The following ROS1 variants were observed in gnomAD, a reference collection of about 807,000 sequenced individuals.
ROS1 encodes proto-oncogene tyrosine-protein kinase ROS.
ROS1 carries 263 observed loss-of-function variants against 273.5 expected under a neutral mutation model. The ratio of observed to expected loss-of-function variants is 0.96; its 90% CI spans 0.87 to 1.06. The LOEUF is 1.06. ROS1 is among the 50% of genes least tolerant of loss of function. ROS1 has a pLI of 0.00. For missense variants in ROS1, 2,833 were observed against 2,751.1 expected (o/e 1.03, Z -0.67); for synonymous variants, 1,008 against 954.1 (o/e 1.06, Z -1.04).
intron 1 of ROS1, among the ~76,000 whole-genome samples, chr6:117,423,209 T>A (rs1775886734): frequency 2.6e-5 from 4 of 151,820 alleles, no homozygotes; most frequent in Admixed American, 2.0e-4. Flanking sequence ...TATGGTGTAG[T>A]GTATACATGG....
intron 26 of ROS1, among the ~76,000 whole-genome samples, chr6:117,355,567 T>C (rs1296118899): frequency 2.0e-5 from 3 of 152,186 alleles, no homozygotes; most frequent in African/African-American, 7.2e-5. Flanking sequence ...CACTTGAAGT[T>C]TAGCTAGTGT....
Position 117,357,857 on chromosome 6 carries a change from C to A in ROS1, c.3786G>T (p.Lys1262Asn), listed in dbSNP as rs1562310695. Reference protein sequence around the residue: ...EHKVKYPREVKIHNRNSTIIS... With the variant: ...EHKVKYPREVNIHNRNSTIIS... Reference sequence around the variant, plus strand: ...TTATTGTTGAATTCCTATTGTGAATCTTCACCTCTCTGGGATATTTCACCT... The same window carrying A: ...TTATTGTTGAATTCCTATTGTGAATATTCACCTCTCTGGGATATTTCACCT... Residue 1262 changes from lysine (K) to asparagine (N), a missense_variant, in exon 25 of 44, where the codon AAG (lysine) becomes AAT (asparagine). Physicochemically the swap from Lys to Asn is moderately conservative, Grantham distance 94. Coordinates refer to ENST00000368507, the MANE Select transcript of ROS1 (RefSeq NM_001378902.1). 6.2e-7 allele frequency: 1 copy of A among 1,613,430 alleles called. No individual in the cohort carries two copies. The highest frequency in any genetic ancestry group is 8.5e-7 in the Non-Finnish European group (1 of 1,179,610).
intron 4 of ROS1, among the ~76,000 whole-genome samples, chr6:117,413,709 T>C (rs1458954695): frequency 6.6e-6 from 1 of 152,122 alleles, no homozygotes; most frequent in African/African-American, 2.4e-5. Flanking sequence ...CGGCCAGGCT[T>C]GGTGGCTCAT....
At chr6:117,398,697 A>AAAC (rs1773700849) in intron 7 of ROS1, among the ~76,000 whole-genome samples, 1 of 149,968 alleles carries the variant, frequency 6.7e-6, no homozygotes, top group Non-Finnish European at 1.5e-5. Context: ...AAAAAAAAAA[A>AAAC]CTCGCGGTGA....
chr6:117,424,644 G>T, intron 1 of ROS1, among the ~76,000 whole-genome samples: 1 of 151,940 alleles, frequency 6.6e-6, no homozygotes, highest in East Asian at 1.9e-4. Context: ...TTAAAAAAAT[G>T]CTACTAACCA....
chr6:117,308,770 CAT>C, intron 42 of ROS1, 22 bp downstream of exon 42: 1 of 1,608,300 alleles, frequency 6.2e-7, no homozygotes, highest in Non-Finnish European at 8.5e-7. Context: ...TTGGGGGATA[CAT>C]ATGTTAACAT....
chr6:117,391,077 T>C (rs529696944), intron 12 of ROS1, among the ~76,000 whole-genome samples: 1 of 152,338 alleles, frequency 6.6e-6, no homozygotes, highest in South Asian at 2.1e-4. Context: ...ATTTTCCTTG[T>C]CCTTATTTAG....
rs1358712826 is a variant in ROS1, at chr6:117,301,064, G to A, written c.6625C>T (p.Leu2209Phe). Residue 2209 changes from leucine (L) to phenylalanine (F), a missense_variant, in exon 43 of 44, where the codon CTT (leucine) becomes TTT (phenylalanine). Transcript: ENST00000368507. The part of the protein sequence containing the change: ...RPTFHRIQDQ[L>F]QLFRNFFLNS... ...AAGAAAAAATTTCTGAATAACTGAA[G>A]TTGGTCCTGAATTCTATGAAAAGTA... is the stretch of plus-strand genomic sequence containing the variant. 1 of 1,607,980 alleles carries A rather than the reference G, an allele frequency of 6.2e-7. No individual in the cohort carries two copies.
intron 42 of ROS1, among the ~76,000 whole-genome samples, chr6:117,302,948 A>G (rs1582558057): frequency 1.3e-5 from 2 of 152,286 alleles, no homozygotes; most frequent in East Asian, 3.9e-4. Flanking sequence ...CGCCTCTATC[A>G]AGTTCTCTTC....
chr6:117,320,075 AG>A (rs770159345), intron 36 of ROS1, 45 bp from the exon 37 acceptor site: 18 of 1,547,862 alleles, frequency 1.2e-5, no homozygotes, highest in Non-Finnish European at 1.6e-5. Context: ...CCACATATAT[AG>A]GGTGTACAAG....
Position 117,344,194 on chromosome 6 carries a change from G to A in ROS1, c.4372C>T (p.Leu1458Phe). 2 of 1,614,038 alleles carry A rather than the reference G, an allele frequency of 1.2e-6. No individual in the cohort carries two copies. Among genetic ancestry groups the A allele is most frequent in the Non-Finnish European group, 1.7e-6 (2 of 1,179,952 alleles). ...TTGGCCAGAGGTAATCTGATTGTGAGGCTAGTGTTAGTGGCATTAAGTATA... is the reference window on the plus strand; with the variant it reads ...TTGGCCAGAGGTAATCTGATTGTGAAGCTAGTGTTAGTGGCATTAAGTATA... ...PTILNATNTSLTIRLPLAKTN... is the reference protein window; with the variant it reads ...PTILNATNTSFTIRLPLAKTN... The change falls in exon 28 of 44, where the codon CTC becomes TTC. Residue 1458 changes from leucine (L) to phenylalanine (F), a missense_variant. Physicochemically the swap from Leu to Phe is conservative, Grantham distance 22 (BLOSUM62 0). Coordinates refer to ENST00000368507, the MANE Select transcript of ROS1 (RefSeq NM_001378902.1).
At chr6:117,363,077 C>A (rs1779939313) in intron 21 of ROS1, among the ~76,000 whole-genome samples, 1 of 152,184 alleles carries the variant, frequency 6.6e-6, no homozygotes, top group African/African-American at 2.4e-5. Context: ...GCACATCTGA[C>A]TGACAGGCAA....
intron 43 of ROS1, among the ~76,000 whole-genome samples, chr6:117,297,895 A>C (rs1470325027): frequency 6.6e-6 from 1 of 152,204 alleles, no homozygotes; most frequent in Non-Finnish European, 1.5e-5. Context: ...AAAAGAAATC[A>C]TTATATCAAA....
chr6:117,341,504 G>A lies in ROS1; in HGVS notation c.4780C>T (p.Leu1594=). Residue 1594 remains leucine (L), a synonymous_variant, in exon 30 of 44, where the codon CTG becomes TTG. Coordinates refer to ENST00000368507, the MANE Select transcript of ROS1 (RefSeq NM_001378902.1). ...SVRYQLAISH[L]ALIPETPLRQ... ...AGAGGAGTTTCAGGAATTAGGGCCA[G>A]GTGTGAGATTGCCAACTGATAACGG... 6.2e-7 allele frequency: 1 copy of A among 1,613,824 alleles called. No homozygotes were observed. The highest frequency in any genetic ancestry group is 8.5e-7 in the Non-Finnish European group (1 of 1,179,788).
intron 31 of ROS1, 80 bp downstream of exon 31, chr6:117,341,055 T>G: frequency 2.3e-6 from 2 of 862,844 alleles, no homozygotes; most frequent in South Asian, 1.8e-5. Flanking sequence ...TATTTATACA[T>G]GAGCATGTTC....
In ROS1 at chr6:117,341,451, C is replaced by A. The variant is rs751986538; in HGVS notation, c.4833G>T (p.Arg1611Ser). 4.7e-5 allele frequency: 76 copies of A among 1,613,768 alleles called. No individual in the cohort carries two copies. The highest frequency in any genetic ancestry group is 1.6e-4 in the Middle Eastern group (1 of 6,082). Reference protein sequence around the residue: ...PLRQSEFPNGRLTLLVTRLSG... With the variant: ...PLRQSEFPNGSLTLLVTRLSG... ...ACAGTCTAGTAACAAGGAGAGTGAGCCTTCCATTTGGAAATTCACTTTGTC... is the reference window on the plus strand; with the variant it reads ...ACAGTCTAGTAACAAGGAGAGTGAGACTTCCATTTGGAAATTCACTTTGTC... The change falls in exon 30 of 44, where the codon AGG becomes AGT. Residue 1611 changes from arginine to serine, a missense_variant. By Grantham distance (110) the Arg-to-Ser change is moderately radical (BLOSUM62 -1). Transcript: ENST00000368507.
At position 117,387,015 on chromosome 6, in the gene ROS1, G is replaced by T. The variant is rs1206769460; in HGVS notation, c.2000-16C>A. Reference sequence around the variant, plus strand: ...GGTTCACTAGCTGTTTAGTAAAAAAGAAATTAAAAGAAACATCAGGGAAAG... The same window carrying T: ...GGTTCACTAGCTGTTTAGTAAAAAATAAATTAAAAGAAACATCAGGGAAAG... On this transcript the variant is annotated splice_polypyrimidine_tract_variant and intron_variant, in intron 14 of 43. Transcript: ENST00000368507. 1.0e-5 allele frequency: 15 copies of T among 1,444,294 alleles called. No homozygotes were observed. Among genetic ancestry groups the T allele is most frequent in the Non-Finnish European group, 1.4e-5 (14 of 1,030,056 alleles). 89.5% of individuals were successfully genotyped at this position (1,444,294 alleles called of 1,614,324 possible).
At position 117,311,999 on chromosome 6, in the gene ROS1, C is replaced by T. The variant is rs765663317; in HGVS notation, c.6118-882G>A. 3.3e-5 allele frequency among the ~76,000 whole-genome samples: 5 copies of T among 152,082 alleles called. No homozygotes were observed. The South Asian group carries it at 6.2e-4, about 19-fold the overall frequency. On this transcript the variant is annotated intron_variant, in intron 39 of 43. Coordinates refer to ENST00000368507, the MANE Select transcript of ROS1 (RefSeq NM_001378902.1). ...TCATTAGCTTGATTTGTTGTGACCC[C>T]CTTCCTGTAGAGTCCATTATGAATT...
chr6:117,323,748 A>C lies in ROS1; in HGVS notation c.5623+584T>G, dbSNP rs573934926. Among the ~76,000 whole-genome samples, 37 of 152,252 alleles carry C rather than the reference A, an allele frequency of 2.4e-4. No homozygotes were observed. In the South Asian group the frequency reaches 7.3e-3, roughly 30 times the overall value. On this transcript the variant is annotated intron_variant, in intron 35 of 43. Transcript: ENST00000368507. Reference sequence around the variant, plus strand: ...TTAGAAAAAAAATAGCTTTCTATCTACCTAACCTAATTTTTCTGCCTTCCT... The same window carrying C: ...TTAGAAAAAAAATAGCTTTCTATCTCCCTAACCTAATTTTTCTGCCTTCCT...
Sources: allele counts gnomAD v4.1 joint callset (sites outside exome capture counted in the v4.1 genomes callset), GRCh38; gene constraint gnomAD v4.1.1; transcripts MANE v1.5; gene names NCBI Gene and HGNC (gene_info 2026-07-23, HGNC 2026-07-21).